Variants in TRPM1 observed in about 807,000 individuals in gnomAD.
The protein encoded by TRPM1 is TRPM1-203 APA Isoform, Intron 10.
TRPM1 carries 113 observed loss-of-function variants against 149.4 expected under a neutral mutation model. The observed-to-expected ratio is 0.76, with a 90% CI of 0.65 to 0.88. TRPM1 has a LOEUF of 0.88. Ranked by LOEUF, TRPM1 falls within the 40% of genes least tolerant of loss-of-function variation. TRPM1 has a pLI of 0.00. For synonymous variants in TRPM1, 741 were observed against 759.5 expected (o/e 0.98, Z 0.40); for missense variants, 1,976 against 2,038.7 (o/e 0.97, Z 0.59).
In TRPM1 at chr15:31,033,569, C is replaced by T. The variant is rs192020282; in HGVS notation, c.2701-629G>A. ...AATGGCACAGCTGTCTGTGGTACCA[C>T]ACTGGGATGGAGGGTTGCCATGCCA... is the stretch of plus-strand genomic sequence containing the variant. On this transcript the variant is annotated intron_variant, in intron 21 of 27. Coordinates refer to ENST00000256552, the MANE Select transcript of TRPM1 (RefSeq NM_001252024.2). 2.4e-4 allele frequency among the ~76,000 whole-genome samples: 36 copies of T among 152,272 alleles called. 2 individuals carry two copies. The highest frequency in any genetic ancestry group is 3.4e-3 in the Middle Eastern group (1 of 294).
chr15:31,012,434 T>C (rs2032218746), intron 27 of TRPM1, among the ~76,000 whole-genome samples: 2 of 152,238 alleles, frequency 1.3e-5, no homozygotes, highest in Admixed American at 1.3e-4. Flanking sequence ...GACTATGTCA[T>C]CCCAAGGTCT....
intron 10 of TRPM1, 31 bp downstream of exon 10, chr15:31,061,411 G>A (rs898384784): frequency 2.5e-6 from 4 of 1,606,522 alleles, no homozygotes; most frequent in Admixed American, 1.7e-5. Context: ...AACATCAGAG[G>A]GACAGGAGTC....
chr15:31,104,586 CTTTTTT>C (rs928062797), upstream of TRPM1, among the ~76,000 whole-genome samples: 3 of 87,464 alleles, frequency 3.4e-5, no homozygotes, highest in Admixed American at 1.6e-4. Flanking sequence ...GGTGATCTTC[CTTTTTT>C]TTTTTTTTTT....
At chr15:31,080,674 T>C (rs1358392966) in intron 2 of TRPM1, among the ~76,000 whole-genome samples, 2 of 28,696 alleles carry the variant, frequency 7.0e-5, no homozygotes, top group African/African-American at 1.4e-4. Context: ...CCCCGCCCCC[T>C]GTTACCTCTC....
chr15:31,046,176 A>G (rs764717825), intron 16 of TRPM1, 28 bp downstream of exon 16: 5 of 1,609,610 alleles, frequency 3.1e-6, no homozygotes, highest in Non-Finnish European at 4.3e-6. Flanking sequence ...AGGATATTAT[A>G]AAACTGTTGA....
At chr15:31,113,366 G>A (rs1049574124) in intron 1 of TRPM1, among the ~76,000 whole-genome samples, 8 of 151,940 alleles carry the variant, frequency 5.3e-5, no homozygotes, top group Admixed American at 3.3e-4. Context: ...ACCATGGACT[G>A]TCACAACCAA....
intron 16 of TRPM1, among the ~76,000 whole-genome samples, chr15:31,044,835 C>T (rs1338758872): frequency 6.9e-6 from 1 of 144,722 alleles, no homozygotes; most frequent in Non-Finnish European, 1.5e-5. Flanking sequence ...ACTGAAGATA[C>T]TGAGGAGACT....
intron 1 of TRPM1, among the ~76,000 whole-genome samples, chr15:31,095,626 G>A (rs755782899): frequency 2.5e-4 from 38 of 151,812 alleles, no homozygotes; most frequent in Non-Finnish European, 4.9e-4. Context: ...CAGAGGTTGC[G>A]GTGAGCTGAG....
intron 18 of TRPM1, among the ~76,000 whole-genome samples, chr15:31,038,726 A>G (rs914751227): frequency 2.6e-5 from 4 of 152,154 alleles, no homozygotes; most frequent in Non-Finnish European, 5.9e-5. Context: ...ATAAAATAAA[A>G]TAAAATAAAA....
At chr15:31,008,357 G>C (rs2032068551) in intron 27 of TRPM1, among the ~76,000 whole-genome samples, 1 of 152,264 alleles carries the variant, frequency 6.6e-6, no homozygotes, top group Admixed American at 6.5e-5. Flanking sequence ...GTTCTCTTCT[G>C]TTCTTAGTTT....
chr15:31,083,410 T>A (rs1004941528), intron 1 of TRPM1, among the ~76,000 whole-genome samples: 1 of 152,130 alleles, frequency 6.6e-6, no homozygotes, highest in African/African-American at 2.4e-5. Flanking sequence ...CCTCAGGATG[T>A]GGGAACGCTG....
intron 1 of TRPM1, among the ~76,000 whole-genome samples, chr15:31,093,328 A>G (rs1215179834): frequency 5.9e-5 from 9 of 151,328 alleles, no homozygotes; most frequent in African/African-American, 1.9e-4. Context: ...AAGCTACTAG[A>G]GCTAATAAAC....
intron 18 of TRPM1, among the ~76,000 whole-genome samples, chr15:31,039,276 T>G (rs960198686): frequency 6.6e-6 from 1 of 152,192 alleles, no homozygotes; most frequent in Non-Finnish European, 1.5e-5. Flanking sequence ...TTTAGTTTCC[T>G]GAAAACCTTA....
In TRPM1 at chr15:31,122,836, C is replaced by T. The variant is rs190723309; in HGVS notation, c.54+38070G>A. 9.9e-5 allele frequency among the ~76,000 whole-genome samples: 15 copies of T among 152,260 alleles called. No homozygotes were observed. In the East Asian group the frequency reaches 2.9e-3, roughly 29 times the overall value. On this transcript the variant is annotated intron_variant, in intron 1 of 26. Coordinates refer to the TRPM1 transcript ENST00000542188. Reference sequence around the variant, plus strand: ...GGGTCAGGGGGGATACTGACAAACTCATTCAAAGGTTTATACAGAAAGGTA... The same window carrying T: ...GGGTCAGGGGGGATACTGACAAACTTATTCAAAGGTTTATACAGAAAGGTA...
chr15:31,038,255 A>G (rs561219524), intron 18 of TRPM1, 89 bp from the exon 19 acceptor site: 9 of 1,435,648 alleles, frequency 6.3e-6, no homozygotes, highest in South Asian at 6.1e-5. Flanking sequence ...GACCTTCAAC[A>G]TTATTCAATA....
intron 3 of TRPM1, among the ~76,000 whole-genome samples, chr15:31,075,881 GTTT>G (rs201131359): frequency 7.8e-4 from 112 of 143,082 alleles, no homozygotes; most frequent in African/African-American, 2.6e-3. Context: ...TTTCATTCTA[GTTT>G]TTTTTTTTTT....
At chr15:31,050,847 C>T (rs933551629) in intron 11 of TRPM1, among the ~76,000 whole-genome samples, 20 of 152,138 alleles carry the variant, frequency 1.3e-4, no homozygotes, top group African/African-American at 4.3e-4. Flanking sequence ...CACTGTTACT[C>T]GTGTGCACAA....
In TRPM1 at chr15:31,032,866, A is replaced by T. The variant is rs185642439; in HGVS notation, c.2775T>A (p.Asp925Glu). 6.2e-7 allele frequency: 1 copy of T among 1,614,100 alleles called. No homozygotes were observed. Among genetic ancestry groups the T allele is most frequent in the East Asian group, 2.2e-5 (1 of 44,900 alleles). The change falls in exon 22 of 28, where the codon GAT becomes GAA. Residue 925 changes from aspartate to glutamate, a missense_variant. By Grantham distance (45) the Asp-to-Glu change is conservative (BLOSUM62 2). This residue lies in a region of TRPM1 where 1,332 missense variants were observed against 1,347.1 expected (regional missense o/e 0.99). Transcript: ENST00000256552. ...VWLQEYWNIT[D>E]LVAISTFMIG... ...TCATGAATGTGGAAATGGCCACGAG[A>T]TCTGTGATGTTCCAGTACTCCTGAA... is the stretch of plus-strand genomic sequence containing the variant.
At position 31,002,257 on chromosome 15, in the gene TRPM1, A is replaced by G. The variant is rs1325859208; in HGVS notation, c.4443T>C (p.Ser1481=). 9 of 1,614,188 alleles carry G rather than the reference A, an allele frequency of 5.6e-6. No homozygotes were observed. The highest frequency in any genetic ancestry group is 7.6e-6 in the Non-Finnish European group (9 of 1,180,030). The part of the protein sequence containing the change: ...VGGVNQDVEY[S]SITDQQLTTE... Reference sequence around the variant, plus strand: ...TCGTCAATTGCTGGTCCGTGATTGAACTGTACTCTACATCCTGGTTAACCC... The same window carrying G: ...TCGTCAATTGCTGGTCCGTGATTGAGCTGTACTCTACATCCTGGTTAACCC... Residue 1481 remains serine, a synonymous_variant, in exon 28 of 28, where the codon AGT becomes AGC. Coordinates refer to ENST00000256552, the MANE Select transcript of TRPM1 (RefSeq NM_001252024.2).
Sources: allele counts gnomAD v4.1 joint callset (sites outside exome capture counted in the v4.1 genomes callset), GRCh38; gene constraint gnomAD v4.1.1; regional missense constraint gnomAD v4.1.1; transcripts MANE v1.5; gene names NCBI Gene and HGNC (gene_info 2026-07-23, HGNC 2026-07-21).